Variants in SLC34A2 observed in about 807,000 individuals in gnomAD.
SLC34A2 encodes the protein sodium-dependent phosphate transport protein 2B.
A neutral mutation model predicts 50.8 loss-of-function variants in SLC34A2; 41 were observed. The ratio of observed to expected loss-of-function variants is 0.81; its 90% CI spans 0.63 to 1.05. SLC34A2 has a LOEUF of 1.05. Ranked by LOEUF, SLC34A2 falls within the 50% of genes least tolerant of loss-of-function variation. The pLI is 0.00. For missense variants in SLC34A2, 879 were observed against 876.7 expected, an observed-to-expected ratio of 1.00 and a Z score of -0.03; for synonymous variants, 401 against 364.2, an observed-to-expected ratio of 1.10 and a Z score of -1.15.
intron 10 of SLC34A2, among the ~76,000 whole-genome samples, chr4:25,674,090 A>T (rs1469174288): frequency 6.6e-6 from 1 of 152,210 alleles, no homozygotes. Flanking sequence ...TTTTCATAAC[A>T]CTTACCTGTA....
chr4:25,669,580 TG>T, intron 6 of SLC34A2, 66 bp from the exon 7 acceptor site: 2 of 1,411,008 alleles, frequency 1.4e-6, no homozygotes, highest in Non-Finnish European at 2.0e-6. Context: ...ATACAGGTAA[TG>T]ACCCACCTCA....
At chr4:25,659,881 T>C (rs2109046129) in intron 1 of SLC34A2, among the ~76,000 whole-genome samples, 1 of 152,294 alleles carries the variant, frequency 6.6e-6, no homozygotes, top group African/African-American at 2.4e-5. Context: ...ACCACTCCCT[T>C]TTACCTCCAG....
rs144463480 is a variant in SLC34A2, at chr4:25,665,236, A to G, written c.380-892A>G. The G allele has an allele frequency of 4.8e-3, 808 of 169,506 alleles. 7 individuals are homozygous for G. Among genetic ancestry groups the G allele is most frequent in the African/African-American group, 0.02 (759 of 37,380 alleles). 10.5% of individuals were successfully genotyped at this position (169,506 alleles called of 1,614,324 possible). A position where few individuals can be genotyped will look rare whatever the true frequency, so the allele number is the denominator to read the frequency against. On this transcript the variant is annotated intron_variant, in intron 4 of 12. Coordinates refer to ENST00000382051, the MANE Select transcript of SLC34A2 (RefSeq NM_006424.3). ...GGCTGGAGTGCATTGGCGTGATCTC[A>G]GCTCACCGCGACCTCCACCTCCCGG... is the stretch of plus-strand genomic sequence containing the variant.
chr4:25,670,682 T>C (rs1714764567), intron 7 of SLC34A2, 56 bp from the exon 8 acceptor site: 1 of 1,384,952 alleles, frequency 7.2e-7, no homozygotes, highest in Admixed American at 1.7e-5. Flanking sequence ...CCTGGGTTTG[T>C]GTCCTAAATC....
chr4:25,676,202 G>A lies in SLC34A2; in HGVS notation c.1526G>A (p.Arg509His), dbSNP rs1715101870. ...CTGTGGTACCCGATCCCGTTCACTC[G>A]CCTGCCCATCCGCATGGCCAAGGGG... ...ILLWYPIPFT[R>H]LPIRMAKGLG... is the part of the protein sequence containing the mutation. The change falls in exon 13 of 13, where the codon CGC (arginine) becomes CAC (histidine). Residue 509 changes from arginine to histidine, a missense_variant. Physicochemically the swap from Arg to His is conservative, Grantham distance 29. Transcript: ENST00000382051. 1.9e-6 allele frequency: 3 copies of A among 1,614,100 alleles called. No individual in the cohort carries two copies. The highest frequency in any genetic ancestry group is 1.1e-5 in the South Asian group (1 of 91,068).
chr4:25,667,422 GA>G (rs760759783), intron 5 of SLC34A2, among the ~76,000 whole-genome samples: 38 of 152,244 alleles, frequency 2.5e-4, no homozygotes, highest in Non-Finnish European at 5.9e-5. Context: ...TGAGGCAAGA[GA>G]ATCACTTTAA....
chr4:25,675,672 A>G (rs1336709892), intron 12 of SLC34A2, among the ~76,000 whole-genome samples: 3 of 152,172 alleles, frequency 2.0e-5, no homozygotes, highest in Non-Finnish European at 2.9e-5. Context: ...TCTGGTGTGT[A>G]TTTCATACTT....
intron 1 of SLC34A2, among the ~76,000 whole-genome samples, chr4:25,657,373 C>T (rs569875603): frequency 1.1e-4 from 16 of 152,152 alleles, no homozygotes; most frequent in Admixed American, 2.0e-4. Context: ...TTCTGGGGAC[C>T]GCAGGGAGCA....
At chr4:25,671,842 A>C (rs913966782) in intron 9 of SLC34A2, 121 bp downstream of exon 9, 18 of 1,365,386 alleles carry the variant, frequency 1.3e-5, no homozygotes, top group Non-Finnish European at 1.8e-5. Context: ...CACCTGCCCT[A>C]CATCAAGCAG....
intron 1 of SLC34A2, among the ~76,000 whole-genome samples, chr4:25,660,580 T>G (rs1416363400): frequency 6.6e-6 from 1 of 152,178 alleles, no homozygotes; most frequent in Non-Finnish European, 1.5e-5. Context: ...AGTTTCACTC[T>G]TTTTGCCCAG....
At position 25,662,721 on chromosome 4, in the gene SLC34A2, A is replaced by T. The variant is rs1443300898; in HGVS notation, c.129A>T (p.Ala43=). The T allele has an allele frequency of 6.2e-7, 1 of 1,613,850 alleles. No individual in the cohort carries two copies. Among genetic ancestry groups the T allele is most frequent in the Non-Finnish European group, 8.5e-7 (1 of 1,180,012 alleles). Residue 43 remains alanine (A), a synonymous_variant, in exon 3 of 13, where the codon GCA becomes GCT. Coordinates refer to ENST00000382051, the MANE Select transcript of SLC34A2 (RefSeq NM_006424.3). The stretch of plus-strand genomic sequence containing the variant: ...TTGTTTCAGCAGATAACACTGAGGC[A>T]CCTGTAACCAAGATTGAACTTCTGC... ...KETNKTDNTE[A]PVTKIELLPS... is the part of the protein sequence containing the mutation.
rs1224743125 is a variant in SLC34A2 at position 25,662,534 on chromosome 4, C to G, written c.34C>G (p.Pro12Ala). The change falls in exon 2 of 13, where the codon CCC (proline) becomes GCC (alanine). Residue 12 changes from proline (P) to alanine (A), a missense_variant. Coordinates refer to ENST00000382051, the MANE Select transcript of SLC34A2 (RefSeq NM_006424.3). ...APWPELGDAQPNPDKYLEGAA... is the reference protein window; with the variant it reads ...APWPELGDAQANPDKYLEGAA... The stretch of plus-strand genomic sequence containing the variant: ...CTGGCCTGAATTGGGAGATGCCCAG[C>G]CCAACCCCGATAAGTACCTCGAAGG... The G allele has an allele frequency of 6.2e-6, 10 of 1,613,998 alleles. No individual in the cohort carries two copies. The highest frequency in any genetic ancestry group is 7.6e-6 in the Non-Finnish European group (9 of 1,180,046).
chr4:25,671,168 G>A (rs914349673), intron 8 of SLC34A2, among the ~76,000 whole-genome samples: 4 of 152,146 alleles, frequency 2.6e-5, no homozygotes, highest in African/African-American at 9.7e-5. Context: ...AGTCCAGCAC[G>A]CCCTACGGGT....
intron 12 of SLC34A2, 136 bp downstream of exon 12, chr4:25,674,765 G>T: frequency 2.6e-6 from 3 of 1,163,230 alleles, no homozygotes; most frequent in South Asian, 3.0e-5. Flanking sequence ...GGGAAGCCAC[G>T]GGTAAAGTTT....
intron 4 of SLC34A2, chr4:25,665,259 C>T (rs11932495): frequency 0.12 from 22,193 of 179,352 alleles, 1,575 homozygotes; most frequent in Middle Eastern, 0.18. Context: ...CTCCACCTCC[C>T]GGCTTCAAGC....
chr4:25,668,136 A>G (rs1468993134), intron 6 of SLC34A2, 145 bp downstream of exon 6: 1 of 706,334 alleles, frequency 1.4e-6, no homozygotes, highest in African/African-American at 1.8e-5. Flanking sequence ...AGGTATGGCT[A>G]GGGTTGGATC....
chr4:25,656,892 T>C (rs1713911421), intron 1 of SLC34A2, among the ~76,000 whole-genome samples: 1 of 152,226 alleles, frequency 6.6e-6, no homozygotes, highest in Non-Finnish European at 1.5e-5. Context: ...TCTTTCCTTT[T>C]TCCTTCTTCC....
At chr4:25,669,277 T>C (rs777908602) in intron 6 of SLC34A2, among the ~76,000 whole-genome samples, 4 of 152,182 alleles carry the variant, frequency 2.6e-5, no homozygotes, top group Non-Finnish European at 5.9e-5. Context: ...TTTGGAACAA[T>C]TGAAAACTCC....
chr4:25,661,967 GGT>G (rs1714212714), intron 1 of SLC34A2, among the ~76,000 whole-genome samples: 1 of 151,764 alleles, frequency 6.6e-6, no homozygotes, highest in Non-Finnish European at 1.5e-5. Context: ...CTGCCTCCCA[GGT>G]TCAAGCGATT....
Sources: allele counts gnomAD v4.1 joint callset (sites outside exome capture counted in the v4.1 genomes callset), GRCh38; gene constraint gnomAD v4.1.1; transcripts MANE v1.5; gene names NCBI Gene and HGNC (gene_info 2026-07-23, HGNC 2026-07-21).